The following TAOK1 variants were observed in gnomAD, a reference collection of about 807,000 sequenced individuals.
TAOK1 encodes the protein TAO kinase 1.
In TAOK1, 21 loss-of-function variants were observed where a neutral mutation model predicts 138.3. The observed-to-expected ratio is 0.15, with a 90% CI of 0.11 to 0.22. TAOK1 has a LOEUF of 0.22. Among genes scored for constraint, TAOK1 ranks in the 10% least tolerant of loss-of-function variants. TAOK1 has a pLI of 1.00. For synonymous variants in TAOK1, 361 were observed against 398.4 expected (o/e 0.91, Z 1.12); for missense variants, 651 against 1,227.7 (o/e 0.53, Z 7.02).
chr17:29,512,691 T>G (rs935119474), intron 15 of TAOK1: 3 of 147,742 alleles, frequency 2.0e-5, no homozygotes, highest in Non-Finnish European at 4.5e-5. Flanking sequence ...CAACTTTTTT[T>G]TTTTTTTTGG....
chr17:29,390,839 C>CCCGCCG lies in TAOK1; in HGVS notation c.-271_-266dup, dbSNP rs1036849229. The stretch of plus-strand genomic sequence containing the variant: ...CGTCCCCTCGCCCCCCCCCCCACCC[C>CCCGCCG]CCGCCGCCGCCGCCCCTTGTTGCAG... On this transcript the variant is annotated 5_prime_UTR_variant, in exon 1 of 20. Transcript: ENST00000261716. 4.0e-5 allele frequency: 6 copies of CCCGCCG among 151,692 alleles called. No individual in the cohort carries two copies. The highest frequency in any genetic ancestry group is 3.5e-3 in the Middle Eastern group (1 of 288). The allele number at this position is 151,692 out of a possible 1,614,324, so 9.4% of individuals were successfully genotyped here.
At chr17:29,476,761 C>T (rs977338555) in intron 4 of TAOK1, among the ~76,000 whole-genome samples, 4 of 152,042 alleles carry the variant, frequency 2.6e-5, no homozygotes, top group Non-Finnish European at 5.9e-5. Context: ...TATAATACCA[C>T]AATGTGAATG....
intron 1 of TAOK1, among the ~76,000 whole-genome samples, chr17:29,416,133 G>A (rs559222420): frequency 7.2e-4 from 109 of 152,004 alleles, no homozygotes; most frequent in African/African-American, 2.5e-3. Flanking sequence ...GCATGGTGGC[G>A]GGCACCTGTA....
rs375385581 is a variant in TAOK1 at position 29,453,736 on chromosome 17, C to G, written c.132+2056C>G. 4.6e-5 allele frequency among the ~76,000 whole-genome samples: 7 copies of G among 151,652 alleles called. No homozygotes were observed. In the South Asian group the frequency reaches 1.0e-3, roughly 22 times the overall value. On this transcript the variant is annotated intron_variant, in intron 2 of 19. Coordinates refer to ENST00000261716, the MANE Select transcript of TAOK1 (RefSeq NM_020791.4). Reference sequence around the variant, plus strand: ...GGATTACAGGTGCATGCCACCATGTCTAGCTATATTTTGAGTTAGTTTTTA... The same window carrying G: ...GGATTACAGGTGCATGCCACCATGTGTAGCTATATTTTGAGTTAGTTTTTA...
rs990224694 is a variant in TAOK1, at chr17:29,390,783, C to G, written c.-336C>G. On this transcript the variant is annotated 5_prime_UTR_variant, in exon 1 of 20. Transcript: ENST00000261716. ...TTCCCCGCGCCATCTTAACTGAGCC[C>G]AAGCGCTGAGGGCGCCTCCTCGACC... 4 of 152,066 alleles carry G rather than the reference C, an allele frequency of 2.6e-5. No homozygotes were observed. Among genetic ancestry groups the G allele is most frequent in the African/African-American group, 9.7e-5 (4 of 41,330 alleles). 9.4% of individuals were successfully genotyped at this position (152,066 alleles called of 1,614,324 possible). A position where few individuals can be genotyped will look rare whatever the true frequency, so the allele number is the denominator to read the frequency against.
At chr17:29,447,780 C>A (rs2030128070) in intron 1 of TAOK1, among the ~76,000 whole-genome samples, 1 of 151,556 alleles carries the variant, frequency 6.6e-6, no homozygotes, top group Admixed American at 6.6e-5. Context: ...CCTCAGCTTC[C>A]CGAGTAGCTG....
chr17:29,470,671 A>G (rs2030792897), intron 3 of TAOK1, among the ~76,000 whole-genome samples: 1 of 152,204 alleles, frequency 6.6e-6, no homozygotes, highest in African/African-American at 2.4e-5. Flanking sequence ...AATTTGTCTT[A>G]CCTACCTTGA....
chr17:29,519,792 T>C (rs967952891), intron 16 of TAOK1, among the ~76,000 whole-genome samples: 2 of 152,234 alleles, frequency 1.3e-5, no homozygotes, highest in African/African-American at 4.8e-5. Flanking sequence ...TAACAGTAGC[T>C]TTTAAAATTT....
chr17:29,489,140 C>T (rs2031243696), intron 8 of TAOK1, among the ~76,000 whole-genome samples: 1 of 152,110 alleles, frequency 6.6e-6, no homozygotes, highest in Admixed American at 6.6e-5. Context: ...AATATACACT[C>T]AAGTATATAT....
chr17:29,482,167 T>C, intron 7 of TAOK1, 30 bp from the exon 8 acceptor site: 1 of 1,523,482 alleles, frequency 6.6e-7, no homozygotes, highest in Non-Finnish European at 9.0e-7. Context: ...TTAAAAAAAA[T>C]CTTTAATTTA....
intron 17 of TAOK1, among the ~76,000 whole-genome samples, chr17:29,528,839 CAAAAAAAAA>C (rs58073512): frequency 1.3e-4 from 9 of 69,404 alleles, no homozygotes; most frequent in Non-Finnish European, 1.8e-4. Flanking sequence ...GACTCCGTCT[CAAAAAAAAA>C]AAAAAAAAAA....
intron 1 of TAOK1, among the ~76,000 whole-genome samples, chr17:29,402,931 T>C (rs536655126): frequency 1.3e-5 from 2 of 151,416 alleles, no homozygotes; most frequent in Non-Finnish European, 2.9e-5. Flanking sequence ...GCCCAGCACT[T>C]TGGGAGGCCG....
intron 1 of TAOK1, among the ~76,000 whole-genome samples, chr17:29,394,648 C>A (rs188849814): frequency 5.9e-5 from 9 of 152,216 alleles, no homozygotes; most frequent in Non-Finnish European, 1.3e-4. Flanking sequence ...TCATTTGTAT[C>A]TCTGTTTTGT....
chr17:29,493,245 A>T (rs2031340867), intron 10 of TAOK1, among the ~76,000 whole-genome samples: 1 of 152,126 alleles, frequency 6.6e-6, no homozygotes, highest in Non-Finnish European at 1.5e-5. Context: ...CTGTAATCAC[A>T]GCACTTTGGG....
At chr17:29,466,044 T>G (rs539685020) in intron 2 of TAOK1, among the ~76,000 whole-genome samples, 173 of 152,274 alleles carry the variant, frequency 1.1e-3, no homozygotes, top group African/African-American at 4.0e-3. Flanking sequence ...TAGGCCTGTC[T>G]CACATTTTCA....
At chr17:29,499,562 TTC>T (rs1491404815) in intron 12 of TAOK1, among the ~76,000 whole-genome samples, 56 of 113,794 alleles carry the variant, frequency 4.9e-4, no homozygotes, top group Non-Finnish European at 7.0e-4. Context: ...CTTTCTTTCT[TTC>T]TTTTTTTTTT....
chr17:29,491,988 G>A (rs2031304767), intron 10 of TAOK1, 123 bp downstream of exon 10: 7 of 654,374 alleles, frequency 1.1e-5, no homozygotes, highest in East Asian at 2.8e-5. Flanking sequence ...AGGCTCAAGC[G>A]ATCCTCCCAC....
chr17:29,492,042 A>C (rs1277811691), intron 10 of TAOK1, among the ~76,000 whole-genome samples, 177 bp downstream of exon 10: 1 of 151,950 alleles, frequency 6.6e-6, no homozygotes, highest in Non-Finnish European at 1.5e-5. Context: ...ATGCCACTGA[A>C]CCCGGCTAAT....
chr17:29,482,147 A>T, intron 7 of TAOK1, 50 bp from the exon 8 acceptor site: 1 of 1,351,688 alleles, frequency 7.4e-7, no homozygotes, highest in Non-Finnish European at 1.0e-6. Flanking sequence ...CTCAAAGGAT[A>T]GAATACTTTT....
Sources: allele counts gnomAD v4.1 joint callset (sites outside exome capture counted in the v4.1 genomes callset), GRCh38; gene constraint gnomAD v4.1.1; transcripts MANE v1.5; gene names NCBI Gene and HGNC (gene_info 2026-07-23, HGNC 2026-07-21).